IBTK: variants seen among roughly 807,000 people sequenced by gnomAD.
IBTK encodes the protein inhibitor of Bruton tyrosine kinase.
Under a neutral mutation model 154.9 loss-of-function variants are expected in IBTK, and 83 were observed. The ratio of observed to expected loss-of-function variants is 0.54; its 90% CI spans 0.45 to 0.64. The LOEUF is 0.64. Ranked by LOEUF, IBTK falls within the 30% of genes least tolerant of loss-of-function variation. The pLI is 0.00. For missense variants in IBTK, 1,332 were observed against 1,584.6 expected, an observed-to-expected ratio of 0.84 and a Z score of 2.71; for synonymous variants, 515 against 536.1, an observed-to-expected ratio of 0.96 and a Z score of 0.54.
chr6:82,196,365 C>G lies in IBTK; in HGVS notation c.3107G>C (p.Gly1036Ala), dbSNP rs759360099. 3 of 1,612,806 alleles carry G rather than the reference C, an allele frequency of 1.9e-6. No individual in the cohort carries two copies. The highest frequency in any genetic ancestry group is 2.5e-6 in the Non-Finnish European group (3 of 1,179,176). ...CTGTAAATCTCTAGGACTACCCACT[C>G]CTGCATAGCTTCCTTCAGAGTCTGA... ...LTSDSEGSYA[G>A]VGSPRDLQSP... The change falls in exon 22 of 29, where the codon GGA becomes GCA. Residue 1036 changes from glycine (G) to alanine (A), a missense_variant. Around this residue, in one of 3 missense-constraint regions of IBTK, gnomAD observed 1,134 missense variants for 1,274.7 expected, o/e 0.89. Transcript: ENST00000306270.
chr6:82,200,331 T>G (rs1769155962), intron 20 of IBTK, 78 bp from the exon 21 acceptor site: 1 of 1,008,524 alleles, frequency 9.9e-7, no homozygotes, highest in Non-Finnish European at 1.5e-6. Context: ...CCCAACATGT[T>G]TAACCTGAAG....
At position 82,214,217 on chromosome 6, in the gene IBTK, G is replaced by T. The variant is rs1376308777; in HGVS notation, c.2204+10C>A. 2 of 1,598,864 alleles carry T rather than the reference G, an allele frequency of 1.3e-6. No homozygotes were observed. Among genetic ancestry groups the T allele is most frequent in the African/African-American group, 1.4e-5 (1 of 74,014 alleles). ...GAGGTACAGGAACAGATATAAAAGA[G>T]AAATCATACCTACTACTCAAATTAC... is the stretch of plus-strand genomic sequence containing the variant. On this transcript the variant is annotated intron_variant, in intron 12 of 28. Transcript: ENST00000306270.
At chr6:82,200,370 A>G in intron 20 of IBTK, 117 bp from the exon 21 acceptor site, 5 of 800,648 alleles carry the variant, frequency 6.2e-6, no homozygotes, top group Non-Finnish European at 8.0e-6. Flanking sequence ...TACACTTTCA[A>G]TGTGTTAGAC....
At chr6:82,188,412 ATTCTACTATAAAAATAAATTAATT>A (rs2127801724) in intron 25 of IBTK, among the ~76,000 whole-genome samples, 1 of 152,280 alleles carries the variant, frequency 6.6e-6, no homozygotes, top group African/African-American at 2.4e-5. Context: ...ACTCTGTAGT[ATTCTACTATAAAAATAAATTAATT>A]TATCCACTGA....
chr6:82,219,901 A>G (rs1235175350), intron 9 of IBTK, among the ~76,000 whole-genome samples: 1 of 152,086 alleles, frequency 6.6e-6, no homozygotes, highest in East Asian at 1.9e-4. Context: ...ATATTGCCTG[A>G]TCTTTACTTT....
intron 28 of IBTK, 148 bp downstream of exon 28, chr6:82,172,232 G>C (rs1767946738): frequency 1.5e-6 from 1 of 648,456 alleles, no homozygotes. Context: ...TACACTGCTA[G>C]ATGCCTCAGT....
intron 4 of IBTK, among the ~76,000 whole-genome samples, chr6:82,231,037 C>G (rs1770483935): frequency 6.6e-6 from 1 of 152,104 alleles, no homozygotes; most frequent in African/African-American, 2.4e-5. Flanking sequence ...TTAGTTCTAT[C>G]TACTATCCAA....
At chr6:82,233,194 G>A (rs568516031) in intron 3 of IBTK, among the ~76,000 whole-genome samples, 1 of 151,632 alleles carries the variant, frequency 6.6e-6, no homozygotes, top group Admixed American at 6.6e-5. Flanking sequence ...GGGCATGGTG[G>A]CATGGGTCTA....
At position 82,188,824 on chromosome 6, in the gene IBTK, G is replaced by T. The variant is rs192499794; in HGVS notation, c.3575+2249C>A. ...GCAGGCAGATCACTTGAGGTCAGGA[G>T]TTCGAGACCAGCCTTGCCAACATGG... On this transcript the variant is annotated intron_variant, in intron 25 of 28. Transcript: ENST00000306270. 1.6e-3 allele frequency among the ~76,000 whole-genome samples: 246 copies of T among 152,240 alleles called. 1 individual carries two copies. The highest frequency in any genetic ancestry group is 5.6e-3 in the African/African-American group (234 of 41,516).
chr6:82,191,418 C>T lies in IBTK; in HGVS notation c.3432-202G>A, dbSNP rs1221705520. Reference sequence around the variant, plus strand: ...TCACAAGTTTCAACAATGAAAATATCAGTTTATACTAACAATGATCAAGTA... The same window carrying T: ...TCACAAGTTTCAACAATGAAAATATTAGTTTATACTAACAATGATCAAGTA... On this transcript the variant is annotated intron_variant, in intron 24 of 28. Transcript: ENST00000306270. 3 of 576,312 alleles carry T rather than the reference C, an allele frequency of 5.2e-6. No homozygotes were observed. The East Asian group carries it at 9.1e-5, about 17-fold the overall frequency. The allele number at this position is 576,312 out of a possible 1,614,324, so 35.7% of individuals were successfully genotyped here.
intron 9 of IBTK, among the ~76,000 whole-genome samples, chr6:82,219,934 G>A (rs919621714): frequency 2.6e-5 from 4 of 152,070 alleles, no homozygotes; most frequent in African/African-American, 9.7e-5. Flanking sequence ...ATGAGGCCAG[G>A]CGCAGTGGCT....
At chr6:82,199,364 G>A (rs1253698879) in intron 21 of IBTK, among the ~76,000 whole-genome samples, 1 of 151,998 alleles carries the variant, frequency 6.6e-6, no homozygotes, top group African/African-American at 2.4e-5. Flanking sequence ...AATGTACATA[G>A]GTGTTCATGG....
intron 10 of IBTK, among the ~76,000 whole-genome samples, chr6:82,216,525 T>C (rs1288893494): frequency 6.6e-6 from 1 of 152,202 alleles, no homozygotes; most frequent in Non-Finnish European, 1.5e-5. Flanking sequence ...CAAAGTTCCC[T>C]TTCTAAAAAG....
chr6:82,179,425 ATAAT>A (rs1768231349), intron 26 of IBTK, among the ~76,000 whole-genome samples: 2 of 152,360 alleles, frequency 1.3e-5, no homozygotes, highest in East Asian at 1.9e-4. Context: ...TCAATAAGAG[ATAAT>A]TAAGTCTAAA....
intron 16 of IBTK, among the ~76,000 whole-genome samples, chr6:82,206,900 C>T (rs1451703471): frequency 6.6e-6 from 1 of 152,036 alleles, no homozygotes; most frequent in African/African-American, 2.4e-5. Context: ...ATGATAAAAA[C>T]ACTCAATAAA....
chr6:82,201,377 G>A (rs1368892375), intron 19 of IBTK, 45 bp downstream of exon 19: 3 of 1,360,632 alleles, frequency 2.2e-6, no homozygotes, highest in Non-Finnish European at 3.1e-6. Context: ...TACTGCTTAA[G>A]CTGGTAATAT....
At chr6:82,193,790 T>C (rs769023296) in intron 23 of IBTK, among the ~76,000 whole-genome samples, 2 of 152,092 alleles carry the variant, frequency 1.3e-5, no homozygotes, top group Non-Finnish European at 2.9e-5. Flanking sequence ...CAAACGATTC[T>C]CCCACCTCAG....
chr6:82,193,970 C>T (rs1439944001), intron 23 of IBTK, among the ~76,000 whole-genome samples: 2 of 152,064 alleles, frequency 1.3e-5, no homozygotes, highest in African/African-American at 4.8e-5. Context: ...GCATGAGCCA[C>T]CATGCCCAGC....
rs759073216 is a variant in IBTK, at chr6:82,227,314, C to G, written c.544-12G>C. 1.4e-6 allele frequency: 2 copies of G among 1,470,890 alleles called. No homozygotes were observed. Among genetic ancestry groups the G allele is most frequent in the Admixed American group, 4.0e-5 (2 of 50,616 alleles). 91.1% of individuals were successfully genotyped at this position (1,470,890 alleles called of 1,614,324 possible). On this transcript the variant is annotated splice_polypyrimidine_tract_variant and intron_variant, in intron 4 of 28. Coordinates refer to ENST00000306270, the MANE Select transcript of IBTK (RefSeq NM_015525.4). Reference sequence around the variant, plus strand: ...TTACAAAGCACCACCTAAGGGAAAACAAGAGAATATTATTAAACTTCTCTG... The same window carrying G: ...TTACAAAGCACCACCTAAGGGAAAAGAAGAGAATATTATTAAACTTCTCTG...
Sources: allele counts gnomAD v4.1 joint callset (sites outside exome capture counted in the v4.1 genomes callset), GRCh38; gene constraint gnomAD v4.1.1; regional missense constraint gnomAD v4.1.1; transcripts MANE v1.5; gene names NCBI Gene and HGNC (gene_info 2026-07-23, HGNC 2026-07-21).